The following CEMIP2 variants were observed in gnomAD, a reference collection of about 807,000 sequenced individuals.
CEMIP2 encodes cell migration inducing hyaluronidase 2.
A neutral mutation model predicts 146.9 loss-of-function variants in CEMIP2; 79 were observed. The ratio of observed to expected loss-of-function variants is 0.54; its 90% CI spans 0.45 to 0.65. CEMIP2 has a LOEUF of 0.65. Ranked by LOEUF, CEMIP2 falls within the 30% of genes least tolerant of loss-of-function variation. CEMIP2 has a pLI of 0.00. For synonymous variants in CEMIP2, 601 were observed against 606.3 expected (o/e 0.99, Z 0.13); for missense variants, 1,596 against 1,696.2 (o/e 0.94, Z 1.04).
At chr9:71,753,224 C>T (rs531198777) in intron 1 of CEMIP2, among the ~76,000 whole-genome samples, 114 of 151,420 alleles carry the variant, frequency 7.5e-4, no homozygotes, top group Admixed American at 5.7e-3. Flanking sequence ...TCTGAGGCTG[C>T]AATCATCTGA....
At chr9:71,700,009 G>A (rs553305733) in intron 19 of CEMIP2, among the ~76,000 whole-genome samples, 1 of 152,268 alleles carries the variant, frequency 6.6e-6, no homozygotes, top group African/African-American at 2.4e-5. Context: ...CATAGACAAT[G>A]GCATATAGGA....
chr9:71,742,368 C>T (rs1010545124), intron 4 of CEMIP2, among the ~76,000 whole-genome samples: 2 of 152,184 alleles, frequency 1.3e-5, no homozygotes, highest in African/African-American at 2.4e-5. Context: ...ACCAGAACTG[C>T]CTCAGCAACT....
At chr9:71,737,751 T>G (rs1480433632) in intron 5 of CEMIP2, among the ~76,000 whole-genome samples, 3 of 152,172 alleles carry the variant, frequency 2.0e-5, no homozygotes, top group African/African-American at 7.2e-5. Flanking sequence ...TGCTTTTCTA[T>G]CTCTATAAAG....
At position 71,718,049 on chromosome 9, in the gene CEMIP2, T is replaced by C; in HGVS notation, c.2298A>G (p.Glu766=). The change falls in exon 13 of 24, where the codon GAA becomes GAG. Residue 766 remains glutamate (E), a synonymous_variant. Coordinates refer to ENST00000377044, the MANE Select transcript of CEMIP2 (RefSeq NM_013390.3). The part of the protein sequence containing the change: ...RFRPHQDANP[E]KPRVAALIDR... The stretch of plus-strand genomic sequence containing the variant: ...CAATTAGAGCAGCAACACGTGGTTT[T>C]TCGGGGTTTGCATCCTGATGAGGTC... 4 of 1,612,820 alleles carry C rather than the reference T, an allele frequency of 2.5e-6. No homozygotes were observed. Among genetic ancestry groups the C allele is most frequent in the Non-Finnish European group, 3.4e-6 (4 of 1,179,310 alleles).
intron 5 of CEMIP2, among the ~76,000 whole-genome samples, chr9:71,737,407 CA>C (rs1206435582): frequency 0.012 from 1,043 of 87,432 alleles, 10 homozygotes; most frequent in African/African-American, 0.036. Flanking sequence ...GACTCCGTCT[CA>C]AAAAAAAAAA....
Position 71,704,594 on chromosome 9 carries a change from C to T in CEMIP2, c.3194+1G>A, listed in dbSNP as rs1290177078. ...TTGAAATAACAGTAACAGAAACATACTTGTTGAAGTTGACGAGGTATAGAA... is the reference window on the plus strand; with the variant it reads ...TTGAAATAACAGTAACAGAAACATATTTGTTGAAGTTGACGAGGTATAGAA... On this transcript the variant is annotated splice_donor_variant, in intron 18 of 23. Coordinates refer to ENST00000377044, the MANE Select transcript of CEMIP2 (RefSeq NM_013390.3). LOFTEE classifies it high-confidence loss of function. 1 of 1,613,986 alleles carries T rather than the reference C, an allele frequency of 6.2e-7. No homozygotes were observed. Among genetic ancestry groups the T allele is most frequent in the Non-Finnish European group, 8.5e-7 (1 of 1,179,880 alleles).
rs536676131 is a variant in CEMIP2 at position 71,719,841 on chromosome 9, G to C, written c.2268-1762C>G. Among the ~76,000 whole-genome samples, 3 of 5,748 alleles carry C rather than the reference G, an allele frequency of 5.2e-4. No individual in the cohort carries two copies. In the East Asian group the frequency reaches 0.023, roughly 44 times the overall value. 3.8% of individuals were successfully genotyped at this position (5,748 alleles called of 152,430 possible). A position where few individuals can be genotyped will look rare whatever the true frequency, so the allele number is the denominator to read the frequency against. On this transcript the variant is annotated intron_variant, in intron 12 of 23. Coordinates refer to ENST00000377044, the MANE Select transcript of CEMIP2 (RefSeq NM_013390.3). ...CGGAGACATACTGTTCTAAACGAAA[G>C]CAAAAAAAAAAAAAAAAAAAGAGTA...
At chr9:71,714,706 T>C (rs1053758342) in intron 15 of CEMIP2, among the ~76,000 whole-genome samples, 12 of 152,230 alleles carry the variant, frequency 7.9e-5, no homozygotes, top group Non-Finnish European at 1.5e-5. Flanking sequence ...ATTAAATCTA[T>C]GAAATGTTTA....
Position 71,712,071 on chromosome 9 carries a change from G to A in CEMIP2, c.2769+12C>T. The A allele has an allele frequency of 6.2e-7, 1 of 1,612,884 alleles. No homozygotes were observed. Among genetic ancestry groups the A allele is most frequent in the Non-Finnish European group, 8.5e-7 (1 of 1,179,444 alleles). ...CCATAGTCACTACGTAAGAACTACA[G>A]AACATACTTACATGTGGACCAAACT... On this transcript the variant is annotated intron_variant, in intron 16 of 23. Coordinates refer to ENST00000377044, the MANE Select transcript of CEMIP2 (RefSeq NM_013390.3).
chr9:71,740,026 T>C, intron 5 of CEMIP2, 37 bp downstream of exon 5: 1 of 1,579,574 alleles, frequency 6.3e-7, no homozygotes, highest in Non-Finnish European at 8.6e-7. Flanking sequence ...ATAATACTTA[T>C]CAGTGTCTTA....
At chr9:71,711,987 A>C in intron 16 of CEMIP2, 96 bp downstream of exon 16, 6 of 1,349,266 alleles carry the variant, frequency 4.4e-6, no homozygotes, top group Non-Finnish European at 2.1e-6. Context: ...ACTCGTACAG[A>C]CTCGGTGCAA....
chr9:71,750,669 A>C (rs1440281502), intron 1 of CEMIP2, among the ~76,000 whole-genome samples: 2 of 150,600 alleles, frequency 1.3e-5, no homozygotes, highest in African/African-American at 2.4e-5. Flanking sequence ...CTGGTCTCGA[A>C]CTCCCAACCT....
At chr9:71,760,924 T>C (rs1824615238) in intron 1 of CEMIP2, among the ~76,000 whole-genome samples, 1 of 152,236 alleles carries the variant, frequency 6.6e-6, no homozygotes, top group African/African-American at 2.4e-5. Context: ...TTCTCATATT[T>C]CTTTTTCTCC....
intron 5 of CEMIP2, among the ~76,000 whole-genome samples, 164 bp from the exon 6 acceptor site, chr9:71,735,158 G>C (rs1439350540): frequency 6.6e-6 from 1 of 152,000 alleles, no homozygotes; most frequent in Admixed American, 6.6e-5. Flanking sequence ...ACAGATATAA[G>C]TAATAAAAAT....
chr9:71,748,816 A>G (rs563418804), intron 2 of CEMIP2, among the ~76,000 whole-genome samples: 5 of 152,346 alleles, frequency 3.3e-5, no homozygotes, highest in African/African-American at 1.2e-4. Context: ...TACCTCTCCC[A>G]GAACCTTAAA....
At chr9:71,742,382 A>C (rs1823948089) in intron 4 of CEMIP2, among the ~76,000 whole-genome samples, 1 of 152,184 alleles carries the variant, frequency 6.6e-6, no homozygotes, top group Non-Finnish European at 1.5e-5. Context: ...AGCAACTATA[A>C]AACAATGTTC....
At chr9:71,695,535 C>A (rs1339631969) in intron 20 of CEMIP2, among the ~76,000 whole-genome samples, 1 of 151,936 alleles carries the variant, frequency 6.6e-6, no homozygotes, top group Non-Finnish European at 1.5e-5. Flanking sequence ...ATCAGCCAGG[C>A]AGGTGGTACA....
intron 11 of CEMIP2, among the ~76,000 whole-genome samples, chr9:71,723,041 A>G (rs9969742): frequency 0.62 from 86,872 of 141,246 alleles, 27,286 homozygotes; most frequent in East Asian, 0.71. Flanking sequence ...GCAGGGGAGG[A>G]GGTGGGAGGA....
At chr9:71,717,046 C>T (rs1317469388) in intron 13 of CEMIP2, among the ~76,000 whole-genome samples, 2 of 152,086 alleles carry the variant, frequency 1.3e-5, no homozygotes, top group Non-Finnish European at 2.9e-5. Flanking sequence ...GTGGCACATG[C>T]CTGTGGTCCC....
Sources: gnomAD v4.1 joint callset for allele counts (sites outside exome capture counted in the v4.1 genomes callset) on GRCh38, gnomAD v4.1.1 for gene constraint, MANE v1.5 for transcripts, NCBI Gene and HGNC (gene_info 2026-07-23, HGNC 2026-07-21) for gene names.